The following PSMD5 variants were observed in gnomAD, a reference collection of about 807,000 sequenced individuals.
The protein encoded by PSMD5 is 26S proteasome non-ATPase regulatory subunit 5.
A neutral mutation model predicts 52.1 loss-of-function variants in PSMD5; 40 were observed. That is an observed-to-expected ratio of 0.77 (90% CI 0.60 to 1.00). PSMD5 has a LOEUF of 1.00. Ranked by LOEUF, PSMD5 falls within the 50% of genes least tolerant of loss-of-function variation. PSMD5 has a pLI of 0.00. For synonymous variants in PSMD5, 211 were observed against 226.6 expected (o/e 0.93, Z 0.62); for missense variants, 575 against 605.2 (o/e 0.95, Z 0.52).
rs543284966 is a variant in PSMD5, at chr9:120,833,536, C to A, written c.174-80G>T. On this transcript the variant is annotated intron_variant, in intron 1 of 9. Coordinates refer to ENST00000210313, the MANE Select transcript of PSMD5 (RefSeq NM_005047.4). ...ACAACCTAATAATAGCTGAAGCTTG[C>A]GTCAGCGTCTCCTCCACACAGACTT... 435 of 1,422,382 alleles carry A rather than the reference C, an allele frequency of 3.1e-4. 3 individuals are homozygous for A. The highest frequency in any genetic ancestry group is 2.1e-3 in the Middle Eastern group (9 of 4,230). 88.1% of individuals were successfully genotyped at this position (1,422,382 alleles called of 1,614,324 possible). A position where few individuals can be genotyped will look rare whatever the true frequency, so the allele number is the denominator to read the frequency against.
Position 120,831,342 on chromosome 9 carries a change from T to G in PSMD5, c.550A>C (p.Arg184=). 1 of 1,607,064 alleles carries G rather than the reference T, an allele frequency of 6.2e-7. No individual in the cohort carries two copies. Among genetic ancestry groups the G allele is most frequent in the Non-Finnish European group, 8.5e-7 (1 of 1,177,964 alleles). The change falls in exon 4 of 10, where the codon AGG becomes CGG. Residue 184 remains arginine, a synonymous_variant. Coordinates refer to ENST00000210313, the MANE Select transcript of PSMD5 (RefSeq NM_005047.4). ...GCTTTTTATCTTACCTCATACACCC[T>G]GTATCGAACAATGTCATTTGTTTTC... ...VMKTNDIVRY[R]VYELIIEISS... is the part of the protein sequence containing the mutation.
intron 1 of PSMD5, among the ~76,000 whole-genome samples, chr9:120,835,249 CAT>C (rs1176683374): frequency 6.6e-6 from 1 of 152,150 alleles, no homozygotes; most frequent in Non-Finnish European, 1.5e-5. Context: ...AAAGGATAAA[CAT>C]GTGTTATGTG....
chr9:120,842,813 G>A lies in PSMD5; in HGVS notation c.97C>T (p.Pro33Ser), dbSNP rs2045250900. Residue 33 changes from proline to serine, a missense_variant, in exon 1 of 10, where the codon CCG becomes TCG. Physicochemically the swap from Pro to Ser is moderately conservative, Grantham distance 74 (BLOSUM62 -1). Transcript: ENST00000210313. ...RALHSVLQAVPLNELRQQAAE... is the reference protein window; with the variant it reads ...RALHSVLQAVSLNELRQQAAE... Reference sequence around the variant, plus strand: ...GCTTGCTGGCGAAGCTCGTTGAGCGGCACTGCCTGCAGCACGGAGTGAAGC... The same window carrying A: ...GCTTGCTGGCGAAGCTCGTTGAGCGACACTGCCTGCAGCACGGAGTGAAGC... 6.2e-7 allele frequency: 1 copy of A among 1,611,900 alleles called. No individual in the cohort carries two copies. Among genetic ancestry groups the A allele is most frequent in the Admixed American group, 1.7e-5 (1 of 59,960 alleles).
intron 1 of PSMD5, 71 bp from the exon 2 acceptor site, chr9:120,833,527 T>TG: frequency 2.0e-6 from 3 of 1,487,962 alleles, no homozygotes; most frequent in Non-Finnish European, 2.7e-6. Context: ...TAATAATAGC[T>TG]GAAGCTTGCG....
intron 9 of PSMD5, among the ~76,000 whole-genome samples, chr9:120,818,749 T>C (rs1328492608): frequency 2.0e-5 from 3 of 150,132 alleles, no homozygotes; most frequent in South Asian, 2.1e-4. Flanking sequence ...AAACGTAACA[T>C]TGAAGAGAAA....
At chr9:120,827,246 G>A (rs1401608995) in intron 5 of PSMD5, among the ~76,000 whole-genome samples, 2 of 152,070 alleles carry the variant, frequency 1.3e-5, no homozygotes, top group Non-Finnish European at 2.9e-5. Flanking sequence ...AATACAATAA[G>A]CCCCCATATA....
Position 120,831,547 on chromosome 9 carries a change from T to A in PSMD5, c.433-88A>T. ...AGTGATGTAAAAATAGTGCATGGAA[T>A]GCACCTTGCCCATGTTTTAGCTATT... is the stretch of plus-strand genomic sequence containing the variant. On this transcript the variant is annotated intron_variant, in intron 3 of 9. Coordinates refer to ENST00000210313, the MANE Select transcript of PSMD5 (RefSeq NM_005047.4). The A allele has an allele frequency of 3.5e-6, 5 of 1,425,232 alleles. No homozygotes were observed. The South Asian group carries it at 5.5e-5, about 16-fold the overall frequency. 88.3% of individuals were successfully genotyped at this position (1,425,232 alleles called of 1,614,324 possible).
chr9:120,828,116 C>T (rs535772319), intron 5 of PSMD5, among the ~76,000 whole-genome samples: 18 of 152,280 alleles, frequency 1.2e-4, no homozygotes, highest in Middle Eastern at 3.4e-3. Context: ...CTTGTCTCAG[C>T]CTTCCCAGTA....
At position 120,818,004 on chromosome 9, in the gene PSMD5, A is replaced by G. The variant is rs1449467501; in HGVS notation, c.1417T>C (p.Phe473Leu). The G allele has an allele frequency of 6.2e-7, 1 of 1,614,226 alleles. No homozygotes were observed. ...LANSKTIAEI[F>L]GNPNYLRLRT... The stretch of plus-strand genomic sequence containing the variant: ...AGCCTCAAATAATTTGGGTTCCCAA[A>G]GATTTCTGCAATTGTCTTGGAATTG... Residue 473 changes from phenylalanine (F) to leucine (L), a missense_variant, in exon 10 of 10, where the codon TTT (phenylalanine) becomes CTT (leucine). Transcript: ENST00000210313.
intron 9 of PSMD5, among the ~76,000 whole-genome samples, chr9:120,819,339 T>C (rs2045066963): frequency 6.6e-6 from 1 of 152,204 alleles, no homozygotes; most frequent in Non-Finnish European, 1.5e-5. Context: ...TTTGGCCTGC[T>C]TCACAACCAA....
Position 120,829,218 on chromosome 9 carries a change from A to G in PSMD5, c.562-10T>C. The G allele has an allele frequency of 6.4e-7, 1 of 1,566,628 alleles. No homozygotes were observed. Among genetic ancestry groups the G allele is most frequent in the South Asian group, 1.2e-5 (1 of 83,564 alleles). ...AAATCTCTATAATTAGCTGAAATAA[A>G]AAAAAAAACACAGAAAAAAGAAAAA... On this transcript the variant is annotated splice_polypyrimidine_tract_variant and intron_variant, in intron 4 of 9. Transcript: ENST00000210313.
chr9:120,839,778 T>C (rs2131438757), intron 1 of PSMD5, among the ~76,000 whole-genome samples: 1 of 150,424 alleles, frequency 6.6e-6, no homozygotes, highest in African/African-American at 2.4e-5. Context: ...CAGGTAAGAA[T>C]TATAAAATGT....
At chr9:120,839,595 G>A (rs972605882) in intron 1 of PSMD5, among the ~76,000 whole-genome samples, 2 of 152,118 alleles carry the variant, frequency 1.3e-5, no homozygotes, top group Admixed American at 6.5e-5. Flanking sequence ...AATCTTAGAA[G>A]GTCAGAGCCA....
rs368538060 is a variant in PSMD5, at chr9:120,819,627, G to A, written c.1257+1212C>T. ...AGGCGGGCGGATCACAAGGTCAGGA[G>A]ATCGAGACCATCCTGGCTAACACAG... On this transcript the variant is annotated intron_variant, in intron 9 of 9. Transcript: ENST00000210313. Among the ~76,000 whole-genome samples, 68 of 152,334 alleles carry A rather than the reference G, an allele frequency of 4.5e-4. 1 individual carries two copies. The highest frequency in any genetic ancestry group is 1.5e-3 in the African/African-American group (61 of 41,572).
At chr9:120,832,483 G>A (rs1032465709) in intron 2 of PSMD5, among the ~76,000 whole-genome samples, 5 of 142,142 alleles carry the variant, frequency 3.5e-5, no homozygotes, top group African/African-American at 1.3e-4. Flanking sequence ...TACAACCTCT[G>A]CCTCCTGGGT....
intron 9 of PSMD5, among the ~76,000 whole-genome samples, chr9:120,820,431 A>G (rs1315172189): frequency 2.0e-5 from 3 of 152,238 alleles, no homozygotes; most frequent in Non-Finnish European, 4.4e-5. Flanking sequence ...TAAGAAGCAA[A>G]GTTAAGGAAG....
intron 9 of PSMD5, among the ~76,000 whole-genome samples, 165 bp from the exon 10 acceptor site, chr9:120,818,328 A>G (rs754873861): frequency 3.3e-5 from 5 of 152,240 alleles, no homozygotes; most frequent in Non-Finnish European, 5.9e-5. Context: ...ATAATCTTAA[A>G]TATGAAAAAT....
At chr9:120,831,998 A>G (rs2045164789) in intron 2 of PSMD5, 53 bp from the exon 3 acceptor site, 1 of 1,578,090 alleles carries the variant, frequency 6.3e-7, no homozygotes, top group Non-Finnish European at 8.6e-7. Flanking sequence ...ACATACGGTA[A>G]ACACACGATG....
At chr9:120,839,842 G>T (rs1159015955) in intron 1 of PSMD5, among the ~76,000 whole-genome samples, 4 of 127,780 alleles carry the variant, frequency 3.1e-5, no homozygotes, top group African/African-American at 1.2e-4. Flanking sequence ...TTGGCTGGGC[G>T]CAGTGGCTCA....
Sources: allele counts gnomAD v4.1 joint callset (sites outside exome capture counted in the v4.1 genomes callset), GRCh38; gene constraint gnomAD v4.1.1; transcripts MANE v1.5; gene names NCBI Gene and HGNC (gene_info 2026-07-23, HGNC 2026-07-21).